SDK1: variants seen among roughly 807,000 people sequenced by gnomAD.
The protein encoded by SDK1 is sidekick cell adhesion molecule 1.
A neutral mutation model predicts 245.5 loss-of-function variants in SDK1; 157 were observed. The ratio of observed to expected loss-of-function variants is 0.64; its 90% CI spans 0.56 to 0.73. SDK1 has a LOEUF of 0.73. Among genes scored for constraint, SDK1 ranks in the 30% least tolerant of loss-of-function variants. The probability of loss-of-function intolerance (pLI) is 0.00; values close to 1 mark genes in which losing one functional copy is unlikely to be tolerated. For missense variants in SDK1, 3,583 were observed against 3,002.3 expected (o/e 1.19, Z -4.52); for synonymous variants, 1,647 against 1,278.5 (o/e 1.29, Z -6.15).
intron 5 of SDK1, among the ~76,000 whole-genome samples, chr7:3,889,451 G>A (rs572293740): frequency 2.6e-4 from 40 of 152,294 alleles, no homozygotes; most frequent in Non-Finnish European, 4.4e-4. Flanking sequence ...GGAATCTACC[G>A]TGGTGGTGTC....
intron 5 of SDK1, among the ~76,000 whole-genome samples, chr7:3,924,833 T>G (rs1779713028): frequency 6.6e-6 from 1 of 152,144 alleles, no homozygotes; most frequent in Non-Finnish European, 1.5e-5. Flanking sequence ...TGTTCCTGTG[T>G]GTGTGTGACA....
At chr7:4,079,000 G>A (rs879311105) in intron 21 of SDK1, among the ~76,000 whole-genome samples, 66 of 152,164 alleles carry the variant, frequency 4.3e-4, no homozygotes, top group African/African-American at 1.4e-3. Flanking sequence ...GTGTCACGCC[G>A]CCTGGGAGCA....
intron 1 of SDK1, among the ~76,000 whole-genome samples, chr7:3,604,214 G>A (rs1026903363): frequency 2.0e-5 from 3 of 152,176 alleles, no homozygotes; most frequent in African/African-American, 7.2e-5. Context: ...AGTTAGAGAG[G>A]ATTCCTTCTT....
At chr7:3,535,653 A>G (rs1242479991) in intron 1 of SDK1, among the ~76,000 whole-genome samples, 8 of 152,172 alleles carry the variant, frequency 5.3e-5, no homozygotes, top group African/African-American at 1.2e-4. Context: ...ATGAGAAACT[A>G]TGTCTATATT....
Position 3,745,134 on chromosome 7 carries a change from T to G in SDK1, c.714-76316T>G, listed in dbSNP as rs142285706. ...AATCTTTGGAATGTTTTGAACCCCG[T>G]GCATGAATTATATCAATTTTACTTA... On this transcript the variant is annotated intron_variant, in intron 4 of 44. Coordinates refer to ENST00000404826, the MANE Select transcript of SDK1 (RefSeq NM_152744.4). Among the ~76,000 whole-genome samples the G allele has an allele frequency of 6.0e-3, 919 of 152,328 alleles. 10 individuals carry two copies. The highest frequency in any genetic ancestry group is 0.021 in the African/African-American group (859 of 41,560).
chr7:3,969,569 A>G, intron 11 of SDK1, 145 bp downstream of exon 11: 1 of 557,358 alleles, frequency 1.8e-6, no homozygotes, highest in East Asian at 3.4e-5. Flanking sequence ...ATTTATAGAA[A>G]TCTGTTGAGA....
At chr7:4,085,168 A>G (rs758099116) in intron 22 of SDK1, among the ~76,000 whole-genome samples, 32 of 152,144 alleles carry the variant, frequency 2.1e-4, no homozygotes, top group Non-Finnish European at 4.1e-4. Flanking sequence ...AAGAGGTTCA[A>G]CCTGTGGTCT....
At chr7:3,990,440 G>T (rs73296671) in intron 14 of SDK1, among the ~76,000 whole-genome samples, 80 of 152,304 alleles carry the variant, frequency 5.3e-4, no homozygotes, top group African/African-American at 1.9e-3. Flanking sequence ...GGCTCTGACC[G>T]AACGGGGAAG....
chr7:3,878,824 C>G (rs764417172), intron 5 of SDK1, among the ~76,000 whole-genome samples: 2 of 151,950 alleles, frequency 1.3e-5, no homozygotes, highest in African/African-American at 4.8e-5. Context: ...CAGGGCAGCC[C>G]TGTGACATTT....
Position 4,236,637 on chromosome 7 carries a change from G to A in SDK1, c.5993-1010G>A, listed in dbSNP as rs904814152. ...GCTTCGTGGGCTCAGGGTTCACCCC[G>A]TGGCTGTTGGGAACCACTGAGGATT... On this transcript the variant is annotated intron_variant, in intron 41 of 44. Coordinates refer to ENST00000404826, the MANE Select transcript of SDK1 (RefSeq NM_152744.4). Among the ~76,000 whole-genome samples the A allele has an allele frequency of 7.9e-5, 12 of 152,048 alleles. 1 individual carries two copies. The highest frequency in any genetic ancestry group is 1.3e-4 in the Non-Finnish European group (9 of 68,008).
chr7:3,774,241 G>A (rs990942592), intron 4 of SDK1, among the ~76,000 whole-genome samples: 2 of 150,966 alleles, frequency 1.3e-5, no homozygotes, highest in Non-Finnish European at 3.0e-5. Context: ...AAAGAATACT[G>A]GCCTTTTAAA....
chr7:3,374,180 G>A (rs887632230), intron 1 of SDK1, among the ~76,000 whole-genome samples: 1 of 152,108 alleles, frequency 6.6e-6, no homozygotes, highest in African/African-American at 2.4e-5. Context: ...GGAATTGGGG[G>A]AGAGCTGAGT....
intron 31 of SDK1, among the ~76,000 whole-genome samples, chr7:4,159,954 G>C (rs960682459): frequency 6.6e-6 from 1 of 152,122 alleles, no homozygotes; most frequent in Non-Finnish European, 1.5e-5. Flanking sequence ...TAAAGTATGC[G>C]GGAGGATGTG....
intron 4 of SDK1, among the ~76,000 whole-genome samples, chr7:3,764,762 T>G (rs1780206337): frequency 6.6e-6 from 1 of 152,158 alleles, no homozygotes; most frequent in African/African-American, 2.4e-5. Flanking sequence ...CTAGCTTTGA[T>G]ATAAAGGAGA....
intron 4 of SDK1, among the ~76,000 whole-genome samples, chr7:3,694,580 G>GC (rs1455963453): frequency 2.7e-5 from 4 of 145,558 alleles, no homozygotes; most frequent in African/African-American, 1.1e-4. Context: ...ATGTTGGTGG[G>GC]GGGGGAAAAG....
At chr7:3,714,132 C>T (rs888652614) in intron 4 of SDK1, among the ~76,000 whole-genome samples, 4 of 152,102 alleles carry the variant, frequency 2.6e-5, no homozygotes, top group African/African-American at 9.7e-5. Flanking sequence ...AAAACAACAA[C>T]ACGTTGACGC....
chr7:3,977,797 C>T (rs963921076), intron 13 of SDK1, among the ~76,000 whole-genome samples: 4 of 152,188 alleles, frequency 2.6e-5, no homozygotes, highest in African/African-American at 7.2e-5. Context: ...TTTTGAGTGC[C>T]TGATGTAGTA....
intron 1 of SDK1, among the ~76,000 whole-genome samples, chr7:3,600,212 G>C (rs935147888): frequency 1.3e-5 from 2 of 152,050 alleles, no homozygotes; most frequent in African/African-American, 2.4e-5. Flanking sequence ...TTTCATTTTG[G>C]TTTCTAAATG....
chr7:3,768,219 A>G (rs916598911), intron 4 of SDK1, among the ~76,000 whole-genome samples: 4 of 152,234 alleles, frequency 2.6e-5, no homozygotes, highest in African/African-American at 7.2e-5. Context: ...ATAGACTGCA[A>G]CCATACTTCT....
Sources: gnomAD v4.1 joint callset for allele counts (sites outside exome capture counted in the v4.1 genomes callset) on GRCh38, gnomAD v4.1.1 for gene constraint, MANE v1.5 for transcripts, NCBI Gene and HGNC (gene_info 2026-07-23, HGNC 2026-07-21) for gene names.